BDNF: variants seen among roughly 807,000 people sequenced by gnomAD.
The protein encoded by BDNF is neurotrophic factor BDNF precursor form.
Under a neutral mutation model 19.5 loss-of-function variants are expected in BDNF, and 1 was observed. That is an observed-to-expected ratio of 0.05 (90% CI 0.02 to 0.24). The LOEUF is 0.24. Among genes scored for constraint, BDNF ranks in the 10% least tolerant of loss-of-function variants. The pLI is 1.00. For missense variants in BDNF, 195 were observed against 317.6 expected, an observed-to-expected ratio of 0.61 and a Z score of 2.93; for synonymous variants, 100 against 121.6, an observed-to-expected ratio of 0.82 and a Z score of 1.17.
chr11:27,676,510 A>G (rs899818418), intron 1 of BDNF, among the ~76,000 whole-genome samples: 2 of 152,146 alleles, frequency 1.3e-5, no homozygotes, highest in African/African-American at 4.8e-5. Flanking sequence ...GACCTGGAAT[A>G]TATGCTGCTC....
chr11:27,669,426 G>A (rs190231842), intron 1 of BDNF, among the ~76,000 whole-genome samples: 1 of 152,168 alleles, frequency 6.6e-6, no homozygotes, highest in Non-Finnish European at 1.5e-5. Flanking sequence ...GCAATAGAAA[G>A]AAATAAAGGA....
upstream of BDNF, chr11:27,701,399 G>A (rs1859888232): frequency 1.9e-6 from 2 of 1,033,720 alleles, no homozygotes; most frequent in East Asian, 8.4e-5. Context: ...CGTTCCCTTC[G>A]CTTAATTAAA....
intron 1 of BDNF, among the ~76,000 whole-genome samples, chr11:27,679,480 G>A (rs1012323569): frequency 6.6e-6 from 1 of 152,150 alleles, no homozygotes; most frequent in African/African-American, 2.4e-5. Context: ...CATTTTCAAG[G>A]TTGCTTCATG....
At chr11:27,689,716 T>A (rs545453070) in intron 1 of BDNF, among the ~76,000 whole-genome samples, 1 of 152,312 alleles carries the variant, frequency 6.6e-6, no homozygotes, top group East Asian at 1.9e-4. Context: ...TATTTTTTAT[T>A]TTACTTTAAG....
chr11:27,694,586 CTTTTTTT>C (rs34321446), intron 1 of BDNF, among the ~76,000 whole-genome samples: 2 of 123,584 alleles, frequency 1.6e-5, no homozygotes, highest in Non-Finnish European at 1.7e-5. Flanking sequence ...GGTTCCATAA[CTTTTTTT>C]TTTTTTTTTT....
intron 1 of BDNF, chr11:27,697,828 G>T (rs1052421907): frequency 7.2e-5 from 11 of 152,194 alleles, no homozygotes; most frequent in Non-Finnish European, 1.6e-4. Context: ...CCAAAGGTAT[G>T]TGAAAAATTA....
chr11:27,677,944 C>A (rs894161337), intron 1 of BDNF: 1 of 152,106 alleles, frequency 6.6e-6, no homozygotes, highest in Admixed American at 6.5e-5. Context: ...TGGGTGCCAT[C>A]TCAGTTTTGG....
At chr11:27,706,798 C>T (rs1367213692) in intron 1 of BDNF, among the ~76,000 whole-genome samples, 2 of 152,150 alleles carry the variant, frequency 1.3e-5, no homozygotes, top group Non-Finnish European at 2.9e-5. Context: ...ACAAATCTTC[C>T]CTTTGCAACT....
chr11:27,680,110 T>C (rs1856648157), intron 1 of BDNF, among the ~76,000 whole-genome samples: 1 of 152,186 alleles, frequency 6.6e-6, no homozygotes, highest in South Asian at 2.1e-4. Flanking sequence ...TTTTTTCAAA[T>C]AATAGATATT....
intron 1 of BDNF, among the ~76,000 whole-genome samples, chr11:27,711,432 A>T (rs1860324044): frequency 6.6e-6 from 1 of 152,218 alleles, no homozygotes; most frequent in Admixed American, 6.5e-5. Flanking sequence ...GATCAAAATG[A>T]TTCTAAAGTA....
At chr11:27,696,840 A>G (rs548505231) in intron 1 of BDNF, among the ~76,000 whole-genome samples, 6 of 152,306 alleles carry the variant, frequency 3.9e-5, no homozygotes, top group Admixed American at 1.3e-4. Flanking sequence ...AATCAAATCC[A>G]TATTATGGGC....
At chr11:27,669,396 G>A (rs1376100977) in intron 1 of BDNF, among the ~76,000 whole-genome samples, 1 of 152,190 alleles carries the variant, frequency 6.6e-6, no homozygotes, top group Non-Finnish European at 1.5e-5. Context: ...AGTATTGGAC[G>A]TTCTAGCCAG....
At chr11:27,685,419 G>C (rs1348488383) in intron 1 of BDNF, among the ~76,000 whole-genome samples, 1 of 152,196 alleles carries the variant, frequency 6.6e-6, no homozygotes, top group South Asian at 2.1e-4. Flanking sequence ...TCTGATCTTA[G>C]TTATTTCTTG....
chr11:27,657,615 T>A lies in BDNF; in HGVS notation c.*206A>T. The A allele has an allele frequency of 7.2e-7, 1 of 1,384,326 alleles. No homozygotes were observed. The highest frequency in any genetic ancestry group is 9.3e-7 in the Non-Finnish European group (1 of 1,073,144). The allele number at this position is 1,384,326 out of a possible 1,614,324, so 85.8% of individuals were successfully genotyped here. ...ATCAAGGAATGTAATGCAGACTTTT[T>A]AAGTTGTGCGCAAATGACTGTTTCC... On this transcript the variant is annotated 3_prime_UTR_variant, in exon 2 of 2. Transcript: ENST00000356660. This position sits in a 1 kb window ranked among gnomAD's most constrained non-coding sequence, Gnocchi z 5.0.
chr11:27,716,846 G>A (rs1860533322), intron 1 of BDNF, among the ~76,000 whole-genome samples: 1 of 152,154 alleles, frequency 6.6e-6, no homozygotes. Context: ...CAATATGATC[G>A]AGTGAATGTT....
intron 1 of BDNF, among the ~76,000 whole-genome samples, chr11:27,718,143 C>T (rs1860587229): frequency 6.6e-6 from 1 of 152,154 alleles, no homozygotes. Flanking sequence ...GGAGAGGGAA[C>T]TCTGCAATTT....
chr11:27,678,770 G>C (rs7103873), intron 1 of BDNF, among the ~76,000 whole-genome samples: 72,629 of 151,860 alleles, frequency 0.48, 17,577 homozygotes, highest in Admixed American at 0.54. Flanking sequence ...CAAATGTAGA[G>C]ACTAAATGAA....
At chr11:27,712,102 TAA>T (rs1171057174) in intron 1 of BDNF, among the ~76,000 whole-genome samples, 5 of 152,224 alleles carry the variant, frequency 3.3e-5, no homozygotes, top group African/African-American at 4.8e-5. Flanking sequence ...ATGTGAATTT[TAA>T]AAGTTTTCTC....
upstream of BDNF, among the ~76,000 whole-genome samples, chr11:27,701,792 T>C (rs1246623935): frequency 6.6e-6 from 1 of 152,238 alleles, no homozygotes; most frequent in East Asian, 1.9e-4. Flanking sequence ...TTCCAGGGCA[T>C]TGCATGCTTT....
Sources: allele counts gnomAD v4.1 joint callset (sites outside exome capture counted in the v4.1 genomes callset), GRCh38; gene constraint gnomAD v4.1.1; non-coding constraint Gnocchi (gnomAD v3.1); transcripts MANE v1.5; gene names NCBI Gene and HGNC (gene_info 2026-07-23, HGNC 2026-07-21).